Variants in PCDHA1 observed in about 807,000 individuals in gnomAD.
The protein encoded by PCDHA1 is protocadherin alpha 1.
PCDHA1 carries 42 observed loss-of-function variants against 61.3 expected under a neutral mutation model. The observed-to-expected ratio is 0.69, with a 90% CI of 0.54 to 0.89. PCDHA1 has a LOEUF of 0.89. PCDHA1 is among the 40% of genes least tolerant of loss of function. The pLI is 0.00. For synonymous variants in PCDHA1, 610 were observed against 553.8 expected (o/e 1.10, Z -1.43); for missense variants, 1,256 against 1,235.3 (o/e 1.02, Z -0.25).
intron 1 of PCDHA1, among the ~76,000 whole-genome samples, chr5:140,911,976 A>G (rs1270778875): frequency 6.6e-6 from 1 of 152,218 alleles, no homozygotes; most frequent in Non-Finnish European, 1.5e-5. Context: ...ATTAACTCAC[A>G]TGATCACAAG....
chr5:140,897,695 C>T (rs1417139429), intron 1 of PCDHA1, among the ~76,000 whole-genome samples: 12 of 152,090 alleles, frequency 7.9e-5, no homozygotes, highest in South Asian at 4.2e-4. Flanking sequence ...GTCCTTTGGG[C>T]ATATACCCAG....
At chr5:140,911,384 C>T (rs2075446155) in intron 1 of PCDHA1, among the ~76,000 whole-genome samples, 1 of 152,134 alleles carries the variant, frequency 6.6e-6, no homozygotes, top group Non-Finnish European at 1.5e-5. Flanking sequence ...TGTGCATGCA[C>T]CTTTCATTGC....
Position 140,787,146 on chromosome 5 carries a change from T to C in PCDHA1, c.856T>C (p.Ser286Pro). 4 of 1,613,930 alleles carry C rather than the reference T, an allele frequency of 2.5e-6. No individual in the cohort carries two copies. Among genetic ancestry groups the C allele is most frequent in the Non-Finnish European group, 3.4e-6 (4 of 1,179,942 alleles). Residue 286 changes from serine to proline, a missense_variant, in exon 1 of 4, where the codon TCT becomes CCT. Physicochemically the swap from Ser to Pro is moderately conservative, Grantham distance 74 (BLOSUM62 -1). Coordinates refer to ENST00000504120, the MANE Select transcript of PCDHA1 (RefSeq NM_018900.4). ...CGTCTTTTCCTTTGACAGTGGTATTTCTCGTGACATTCAAGAAAAATTCAA... is the reference window on the plus strand; with the variant it reads ...CGTCTTTTCCTTTGACAGTGGTATTCCTCGTGACATTCAAGAAAAATTCAA... ...EVVFSFDSGI[S>P]RDIQEKFKVD...
At chr5:140,965,851 A>C (rs1257954575) in intron 1 of PCDHA1, among the ~76,000 whole-genome samples, 1 of 152,252 alleles carries the variant, frequency 6.6e-6, no homozygotes, top group Non-Finnish European at 1.5e-5. Flanking sequence ...GCCAAGGCAC[A>C]CACTGAAAAT....
chr5:140,925,685 G>T (rs1584406507), intron 1 of PCDHA1, among the ~76,000 whole-genome samples: 1 of 137,694 alleles, frequency 7.3e-6, no homozygotes, highest in South Asian at 2.3e-4. Flanking sequence ...ATAAAGCGAG[G>T]GTGGGTATCT....
chr5:140,872,429 C>T (rs2053657736), intron 1 of PCDHA1, among the ~76,000 whole-genome samples: 1 of 152,028 alleles, frequency 6.6e-6, no homozygotes, highest in Non-Finnish European at 1.5e-5. Flanking sequence ...GAGTTCGAGG[C>T]CTGCCTGGAC....
chr5:140,810,484 T>C (rs1764670672), intron 1 of PCDHA1: 2 of 152,240 alleles, frequency 1.3e-5, no homozygotes, highest in Admixed American at 1.3e-4. Context: ...CCACATCATC[T>C]CTACATTTGT....
At chr5:140,824,106 G>A in intron 1 of PCDHA1, 1 of 1,614,086 alleles carries the variant, frequency 6.2e-7, no homozygotes, top group Non-Finnish European at 8.5e-7. Context: ...GCCTTCCTCA[G>A]GGTCCCACCT....
At chr5:140,845,550 G>C (rs185907796) in intron 1 of PCDHA1, among the ~76,000 whole-genome samples, 1 of 149,478 alleles carries the variant, frequency 6.7e-6, no homozygotes, top group East Asian at 1.9e-4. Flanking sequence ...TTATGGTGAT[G>C]CTTTTAGCTA....
chr5:140,956,774 C>A (rs1232431991), intron 1 of PCDHA1, among the ~76,000 whole-genome samples: 2 of 152,070 alleles, frequency 1.3e-5, no homozygotes, highest in Non-Finnish European at 2.9e-5. Flanking sequence ...TCTGTCTGGT[C>A]CTGGGCTTTG....
At chr5:140,803,858 G>T in intron 1 of PCDHA1, 1 of 575,694 alleles carries the variant, frequency 1.7e-6, no homozygotes, top group South Asian at 2.3e-5. Context: ...AAATGCCTGG[G>T]TATAAGACAA....
chr5:140,808,616 G>A (rs549483688), intron 1 of PCDHA1: 1 of 1,613,788 alleles, frequency 6.2e-7, no homozygotes, highest in South Asian at 1.1e-5. Context: ...CATCTTCACT[G>A]TGTCTGCGTG....
At chr5:140,877,041 A>C (rs782570873) in intron 1 of PCDHA1, 1 of 1,612,586 alleles carries the variant, frequency 6.2e-7, no homozygotes, top group Non-Finnish European at 8.5e-7. Context: ...TGCAGCCGCT[A>C]GACCACGAGG....
At chr5:140,823,541 T>C in intron 1 of PCDHA1, 1 of 1,613,782 alleles carries the variant, frequency 6.2e-7, no homozygotes, top group Non-Finnish European at 8.5e-7. Flanking sequence ...GCGGGCCACG[T>C]GGTGGCGAAG....
At chr5:140,942,467 A>C (rs1428565418) in intron 1 of PCDHA1, among the ~76,000 whole-genome samples, 1 of 152,142 alleles carries the variant, frequency 6.6e-6, no homozygotes, top group Non-Finnish European at 1.5e-5. Context: ...AATACAATCA[A>C]ATTCAAGCTA....
intron 1 of PCDHA1, chr5:140,800,983 A>G (rs568383923): frequency 7.4e-7 from 1 of 1,350,980 alleles, no homozygotes; most frequent in African/African-American, 1.5e-5. Context: ...TACATATTTA[A>G]TACTTACACG....
chr5:140,881,179 C>A (rs550594918), intron 1 of PCDHA1, among the ~76,000 whole-genome samples: 4 of 152,240 alleles, frequency 2.6e-5, no homozygotes, highest in African/African-American at 7.2e-5. Flanking sequence ...CTTTTCCTTG[C>A]TAAAGATATG....
chr5:140,841,255 C>G, intron 1 of PCDHA1: 8 of 1,511,904 alleles, frequency 5.3e-6, no homozygotes, highest in Non-Finnish European at 7.1e-6. Flanking sequence ...GATTAAAAGA[C>G]TCTGAAAGTA....
chr5:140,938,385 A>G (rs952402645), intron 1 of PCDHA1, among the ~76,000 whole-genome samples: 8 of 152,202 alleles, frequency 5.3e-5, no homozygotes, highest in Admixed American at 2.6e-4. Flanking sequence ...TAAATATTTA[A>G]TATGAAATAC....
Sources: gnomAD v4.1 joint callset for allele counts (sites outside exome capture counted in the v4.1 genomes callset) on GRCh38, gnomAD v4.1.1 for gene constraint, MANE v1.5 for transcripts, NCBI Gene and HGNC (gene_info 2026-07-23, HGNC 2026-07-21) for gene names.